Variants in RNF157 observed in about 807,000 individuals in gnomAD.
The protein encoded by RNF157 is ring finger protein 157.
A neutral mutation model predicts 88.3 loss-of-function variants in RNF157; 55 were observed. The observed-to-expected ratio is 0.62, with a 90% confidence interval of 0.50 to 0.78. The LOEUF (loss-of-function observed/expected upper bound fraction) is 0.78. RNF157 is among the 30% of genes least tolerant of loss of function. The probability of loss-of-function intolerance (pLI) is 0.00; values close to 1 mark genes in which losing one functional copy is unlikely to be tolerated. For missense variants in RNF157, 788 were observed against 860.8 expected, an observed-to-expected ratio of 0.92 and a Z score of 1.06; for synonymous variants, 334 against 341.2, an observed-to-expected ratio of 0.98 and a Z score of 0.23.
At chr17:76,217,375 C>G (rs1205824441) in intron 1 of RNF157, among the ~76,000 whole-genome samples, 1 of 152,092 alleles carries the variant, frequency 6.6e-6, no homozygotes, top group East Asian at 1.9e-4. Context: ...CAAAAATTTG[C>G]TTTTTCCTTT....
chr17:76,163,702 T>TTGGCATTA (rs1943959833), intron 8 of RNF157: 1 of 152,234 alleles, frequency 6.6e-6, no homozygotes, highest in African/African-American at 2.4e-5. Flanking sequence ...CTGTTGCTAA[T>TTGGCATTA]GCCAATCTAA....
chr17:76,209,675 T>C (rs1245670982), intron 2 of RNF157, among the ~76,000 whole-genome samples: 1 of 152,180 alleles, frequency 6.6e-6, no homozygotes, highest in Non-Finnish European at 1.5e-5. Flanking sequence ...ATATAAACTA[T>C]CTTTACATCA....
Position 76,146,760 on chromosome 17 carries a change from TG to T in RNF157, c.1922-1408del. 1.0e-6 allele frequency: 1 copy of T among 985,280 alleles called. No individual in the cohort carries two copies. The highest frequency in any genetic ancestry group is 4.7e-5 in the South Asian group (1 of 21,290). 61.0% of individuals were successfully genotyped at this position (985,280 alleles called of 1,614,324 possible). A position where few individuals can be genotyped will look rare whatever the true frequency, so the allele number is the denominator to read the frequency against. On this transcript the variant is annotated intron_variant, in intron 18 of 18. Coordinates refer to ENST00000269391, the MANE Select transcript of RNF157 (RefSeq NM_052916.3). The surrounding 1 kb of genome is among the most constrained non-coding windows in gnomAD (Gnocchi z 4.2). ...GCAGGGGCCGTGACTTCTTCACTGTTGCAGTCCAGAGCCCAGCACAACACCT... is the reference window on the plus strand; with the variant it reads ...GCAGGGGCCGTGACTTCTTCACTGTTCAGTCCAGAGCCCAGCACAACACCT...
chr17:76,182,310 C>T (rs2069201958), intron 2 of RNF157, among the ~76,000 whole-genome samples: 1 of 152,156 alleles, frequency 6.6e-6, no homozygotes. Flanking sequence ...GACCCTGGTG[C>T]TCATCAGCTT....
chr17:76,178,475 T>C (rs1205728888), intron 2 of RNF157, among the ~76,000 whole-genome samples: 2 of 152,234 alleles, frequency 1.3e-5, no homozygotes, highest in East Asian at 3.8e-4. Flanking sequence ...CATGCCTGAC[T>C]TGCAGTCTCC....
intron 2 of RNF157, among the ~76,000 whole-genome samples, chr17:76,203,790 C>T (rs982802811): frequency 1.8e-5 from 2 of 113,192 alleles, no homozygotes; most frequent in African/African-American, 4.1e-5. Context: ...TTTTTTGGGA[C>T]GGAGTCTCGC....
chr17:76,188,992 G>A (rs1272463924), intron 2 of RNF157, among the ~76,000 whole-genome samples: 2 of 152,092 alleles, frequency 1.3e-5, no homozygotes, highest in African/African-American at 4.8e-5. Flanking sequence ...CCCAAATCAA[G>A]GGAAGTTCTA....
In RNF157 at chr17:76,146,664, C is replaced by T. The variant is rs1011979134; in HGVS notation, c.1922-1311G>A. 2 of 985,382 alleles carry T rather than the reference C, an allele frequency of 2.0e-6. No individual in the cohort carries two copies. The highest frequency in any genetic ancestry group is 1.2e-4 in the Admixed American group (2 of 16,276). 61.0% of individuals were successfully genotyped at this position (985,382 alleles called of 1,614,324 possible). A position where few individuals can be genotyped will look rare whatever the true frequency, so the allele number is the denominator to read the frequency against. ...GTGCTCCCTGCAGCCTGAACTACTG[C>T]TCCACGCACACGTCACATGGCAGAA... On this transcript the variant is annotated intron_variant, in intron 18 of 18. Transcript: ENST00000269391. The surrounding 1 kb of genome is among the most constrained non-coding windows in gnomAD (Gnocchi z 4.2).
chr17:76,145,347 C>G lies in RNF157; in HGVS notation c.1928G>C (p.Trp643Ser), dbSNP rs764053397. Residue 643 changes from tryptophan to serine, a missense_variant, in exon 19 of 19, where the codon TGG becomes TCG. By Grantham distance (177) the Trp-to-Ser change is radical. Coordinates refer to ENST00000269391, the MANE Select transcript of RNF157 (RefSeq NM_052916.3). ...LCSEVCLPGAWQADDNAVSRN... is the reference protein window; with the variant it reads ...LCSEVCLPGASQADDNAVSRN... The stretch of plus-strand genomic sequence containing the variant: ...ACTGACGGCATTGTCATCAGCCTGC[C>G]AGGCACCTGGGGAAGAGAAAATGAA... The G allele has an allele frequency of 6.2e-7, 1 of 1,611,828 alleles. No homozygotes were observed. The highest frequency in any genetic ancestry group is 2.2e-5 in the East Asian group (1 of 44,840).
rs751849627 is a variant in RNF157 at position 76,240,232 on chromosome 17, G to T, written c.9C>A (p.Ala3=). 7.5e-7 allele frequency: 1 copy of T among 1,335,428 alleles called. No individual in the cohort carries two copies. The highest frequency in any genetic ancestry group is 9.7e-7 in the Non-Finnish European group (1 of 1,028,612). 82.7% of individuals were successfully genotyped at this position (1,335,428 alleles called of 1,614,324 possible). A position where few individuals can be genotyped will look rare whatever the true frequency, so the allele number is the denominator to read the frequency against. The part of the protein sequence containing the change: MG[A]LTSRQHAGVE... ...CGCCCGCGTGCTGCCGGCTCGTCAG[G>T]GCCCCCATGGCCGCTGCGGCTGCAG... is the stretch of plus-strand genomic sequence containing the variant. Residue 3 remains alanine (A), a synonymous_variant, in exon 1 of 19, where the codon GCC becomes GCA. Transcript: ENST00000269391. This position sits in a 1 kb window ranked among gnomAD's most constrained non-coding sequence, Gnocchi z 4.4.
rs1348770353 is a variant in RNF157, at chr17:76,162,600, A to G, written c.744T>C (p.Leu248=). Residue 248 remains leucine, a synonymous_variant, in exon 9 of 19, where the codon CTT becomes CTC. Coordinates refer to ENST00000269391, the MANE Select transcript of RNF157 (RefSeq NM_052916.3). ...KQVVDGVSYL[L]QEIYGIENKY... is the part of the protein sequence containing the mutation. ...TGTTTTCAATTCCATAGATCTCCTG[A>G]AGGAGGTAGCTGACCCCGTCTACCT... The G allele has an allele frequency of 1.2e-6, 2 of 1,612,912 alleles. No individual in the cohort carries two copies. Among genetic ancestry groups the G allele is most frequent in the East Asian group, 2.2e-5 (1 of 44,732 alleles).
At chr17:76,202,639 ATT>A in intron 2 of RNF157, 6 of 155,954 alleles carry the variant, frequency 3.8e-5, no homozygotes, top group South Asian at 1.9e-4. Flanking sequence ...GAGCGCTACT[ATT>A]TTTTTTTTCA....
At chr17:76,153,328 C>T (rs1464096784) in intron 17 of RNF157, 1 of 152,262 alleles carries the variant, frequency 6.6e-6, no homozygotes, top group African/African-American at 2.4e-5. Flanking sequence ...AGCTGACGGA[C>T]GCAGCCTTGG....
At chr17:76,171,139 G>A (rs954915526) in intron 3 of RNF157, among the ~76,000 whole-genome samples, 5 of 151,728 alleles carry the variant, frequency 3.3e-5, no homozygotes, top group South Asian at 2.1e-4. Context: ...TGATCCGCCC[G>A]CCTTGGCCTC....
At chr17:76,214,421 T>A (rs2069854222) in intron 1 of RNF157, among the ~76,000 whole-genome samples, 1 of 152,166 alleles carries the variant, frequency 6.6e-6, no homozygotes, top group African/African-American at 2.4e-5. Context: ...AGCTTATACC[T>A]ACACACAGAA....
chr17:76,206,014 G>C (rs73362568), intron 2 of RNF157, among the ~76,000 whole-genome samples: 1,627 of 152,304 alleles, frequency 0.011, 25 homozygotes, highest in African/African-American at 0.037. Context: ...AAGACTACTT[G>C]AGCAAAGGAG....
At chr17:76,166,914 G>T in intron 5 of RNF157, 95 bp downstream of exon 5, 1 of 761,092 alleles carries the variant, frequency 1.3e-6, no homozygotes, top group Non-Finnish European at 2.2e-6. Context: ...TGGCCTTCAA[G>T]CATCCGAGCA....
intron 1 of RNF157, among the ~76,000 whole-genome samples, chr17:76,230,091 G>T (rs1383211239): frequency 6.6e-6 from 1 of 152,126 alleles, no homozygotes; most frequent in Non-Finnish European, 1.5e-5. Context: ...ACTGAAGAAT[G>T]GACTGATGTC....
At chr17:76,185,475 C>CTTTTT (rs71161271) in intron 2 of RNF157, among the ~76,000 whole-genome samples, 34 of 141,906 alleles carry the variant, frequency 2.4e-4, no homozygotes, top group African/African-American at 4.6e-4. Context: ...TTAGTCCTTT[C>CTTTTT]TTTTTTTTTT....
Sources: allele counts gnomAD v4.1 joint callset (sites outside exome capture counted in the v4.1 genomes callset), GRCh38; gene constraint gnomAD v4.1.1; non-coding constraint Gnocchi (gnomAD v3.1); transcripts MANE v1.5; gene names NCBI Gene and HGNC (gene_info 2026-07-23, HGNC 2026-07-21).